The following FAM234B variants were observed in gnomAD, a reference collection of about 807,000 sequenced individuals.
The protein encoded by FAM234B is protein FAM234B.
A neutral mutation model predicts 69.3 loss-of-function variants in FAM234B; 33 were observed. The observed-to-expected ratio is 0.48, with a 90% CI of 0.36 to 0.64. The LOEUF (loss-of-function observed/expected upper bound fraction) is 0.64, where lower values mean the gene tolerates loss of function less well. Among genes scored for constraint, FAM234B ranks in the 30% least tolerant of loss-of-function variants. The probability of loss-of-function intolerance (pLI) is 0.00; values close to 1 mark genes in which losing one functional copy is unlikely to be tolerated. For missense variants in FAM234B, 697 were observed against 769.7 expected, an observed-to-expected ratio of 0.91 and a Z score of 1.12; for synonymous variants, 306 against 306.9, an observed-to-expected ratio of 1.00 and a Z score of 0.03.
rs1864954791 is a variant in FAM234B at position 13,058,534 on chromosome 12, A to G, written c.517A>G (p.Asn173Asp). The G allele has an allele frequency of 6.2e-7, 1 of 1,612,088 alleles. No homozygotes were observed. Among genetic ancestry groups the G allele is most frequent in the African/African-American group, 1.3e-5 (1 of 74,362 alleles). ...DVLLSFVMSR[N>D]GSAVGVSRPA... ...GCTTCTCTCCTTTGTGATGTCAAGG[A>G]ACGGGAGTGCAGTAGGTAAGAGACG... is the stretch of plus-strand genomic sequence containing the variant. The change falls in exon 3 of 13, where the codon AAC (asparagine) becomes GAC (aspartate). Residue 173 changes from asparagine to aspartate, a missense_variant. By Grantham distance (23) the Asn-to-Asp change is conservative (BLOSUM62 1). Coordinates refer to ENST00000197268, the MANE Select transcript of FAM234B (RefSeq NM_020853.2).
intron 1 of FAM234B, among the ~76,000 whole-genome samples, chr12:13,047,928 T>C (rs1371796505): frequency 6.6e-6 from 1 of 152,160 alleles, no homozygotes; most frequent in African/African-American, 2.4e-5. Context: ...TGTCTTTCTG[T>C]AAATAGATAG....
In FAM234B at chr12:13,062,941, G is replaced by A. The variant is rs541164179; in HGVS notation, c.818G>A (p.Arg273Gln). The A allele has an allele frequency of 6.0e-5, 97 of 1,614,040 alleles. No individual in the cohort carries two copies. The South Asian group carries it at 7.8e-4, about 13-fold the overall frequency. ...VLPDLDEDGVRDLVVLAIGEL... is the reference protein window; with the variant it reads ...VLPDLDEDGVQDLVVLAIGEL... ...CCAGACTTGGATGAAGACGGTGTTC[G>A]AGACCTTGTGGTTCTGGCCATTGGG... is the stretch of plus-strand genomic sequence containing the variant. The change falls in exon 5 of 13, where the codon CGA becomes CAA. Residue 273 changes from arginine (R) to glutamine (Q), a missense_variant. Around this residue, in one of 3 missense-constraint regions of FAM234B, gnomAD observed 380 missense variants for 447.1 expected, o/e 0.85. Coordinates refer to ENST00000197268, the MANE Select transcript of FAM234B (RefSeq NM_020853.2).
At chr12:13,046,388 T>C (rs1864812287) in intron 1 of FAM234B, among the ~76,000 whole-genome samples, 1 of 152,218 alleles carries the variant, frequency 6.6e-6, no homozygotes, top group Non-Finnish European at 1.5e-5. Flanking sequence ...CTGAGACTGC[T>C]GTCCTGTTTG....
intron 10 of FAM234B, 151 bp downstream of exon 10, chr12:13,071,547 C>T (rs1216314785): frequency 2.9e-6 from 2 of 695,090 alleles, no homozygotes; most frequent in East Asian, 5.4e-5. Flanking sequence ...AAGCAGGAAC[C>T]CTGTGTCCTC....
chr12:13,049,186 G>A (rs561840253), intron 1 of FAM234B, among the ~76,000 whole-genome samples: 3 of 152,296 alleles, frequency 2.0e-5, no homozygotes, highest in African/African-American at 7.2e-5. Context: ...ACTGAGATAA[G>A]AATTTTTTTT....
Position 13,068,802 on chromosome 12 carries a change from A to G in FAM234B, c.1368+91A>G, listed in dbSNP as rs1330208590. On this transcript the variant is annotated intron_variant, in intron 9 of 12. Transcript: ENST00000197268. Reference sequence around the variant, plus strand: ...GTTAGGCACAGCAGGGAATAAAAAGAACCTAAAATATGATCTCTAACTTCA... The same window carrying G: ...GTTAGGCACAGCAGGGAATAAAAAGGACCTAAAATATGATCTCTAACTTCA... The G allele has an allele frequency of 3.8e-6, 3 of 785,622 alleles. No homozygotes were observed. The African/African-American group carries it at 5.2e-5, about 14-fold the overall frequency. 48.7% of individuals were successfully genotyped at this position (785,622 alleles called of 1,614,324 possible).
At chr12:13,079,756 A>G (rs776201972) in intron 11 of FAM234B, 33 bp from the exon 12 acceptor site, 4 of 1,389,656 alleles carry the variant, frequency 2.9e-6, no homozygotes, top group Non-Finnish European at 4.1e-6. Context: ...GTATGTGTCC[A>G]TGTTAACTGC....
At chr12:13,052,140 A>C (rs913904943) in intron 1 of FAM234B, among the ~76,000 whole-genome samples, 1 of 152,190 alleles carries the variant, frequency 6.6e-6, no homozygotes, top group African/African-American at 2.4e-5. Flanking sequence ...CATGTGAGAG[A>C]GGGATCCCAG....
At position 13,081,252 on chromosome 12, in the gene FAM234B, ATC is replaced by A. The variant is rs1332582608; in HGVS notation, c.*628_*629del. 6.6e-6 allele frequency: 1 copy of A among 152,176 alleles called. No individual in the cohort carries two copies. Among genetic ancestry groups the A allele is most frequent in the African/African-American group, 2.4e-5 (1 of 41,434 alleles). The allele number at this position is 152,176 out of a possible 1,614,324, so 9.4% of individuals were successfully genotyped here. On this transcript the variant is annotated 3_prime_UTR_variant, in exon 13 of 13. Coordinates refer to ENST00000197268, the MANE Select transcript of FAM234B (RefSeq NM_020853.2). ...CTGAGTTAGCCATCCAAGCATTTTCATCTCTCTTGTTTTATATCCTATTTCCT... is the reference window on the plus strand; with the variant it reads ...CTGAGTTAGCCATCCAAGCATTTTCATCTCTTGTTTTATATCCTATTTCCT...
chr12:13,077,628 T>C (rs946017167), intron 11 of FAM234B, among the ~76,000 whole-genome samples: 2 of 151,690 alleles, frequency 1.3e-5, no homozygotes, highest in Non-Finnish European at 2.9e-5. Flanking sequence ...TGCATAGTAT[T>C]CCATGGTGTA....
chr12:13,077,930 G>C (rs375717487), intron 11 of FAM234B, among the ~76,000 whole-genome samples: 1 of 152,000 alleles, frequency 6.6e-6, no homozygotes, highest in Non-Finnish European at 1.5e-5. Context: ...TCCAGCACCT[G>C]TTGTTTCCTG....
chr12:13,045,712 GGA>G (rs1443024777), intron 1 of FAM234B, among the ~76,000 whole-genome samples: 2 of 152,116 alleles, frequency 1.3e-5, no homozygotes, highest in Admixed American at 1.3e-4. Flanking sequence ...TGGAATTAAA[GGA>G]GAGACGTGGC....
rs1042236307 is a variant in FAM234B at position 13,072,811 on chromosome 12, C to T, written c.1524+1415C>T. Among the ~76,000 whole-genome samples the T allele has an allele frequency of 2.1e-4, 32 of 152,180 alleles. 1 individual carries two copies. Among genetic ancestry groups the T allele is most frequent in the South Asian group, 1.0e-3 (5 of 4,822 alleles). On this transcript the variant is annotated intron_variant, in intron 10 of 12. Transcript: ENST00000197268. ...ACACTTTGTAAGCACTGATACCAGC[C>T]GTTTAGTCCATCCCTAAAGAACTGA...
intron 9 of FAM234B, among the ~76,000 whole-genome samples, chr12:13,069,757 G>T (rs1565510977): frequency 6.6e-6 from 1 of 152,184 alleles, no homozygotes; most frequent in African/African-American, 2.4e-5. Context: ...CTTACAGAGG[G>T]CCCCAAAAGC....
intron 12 of FAM234B, 133 bp downstream of exon 12, chr12:13,080,142 C>T: frequency 1.5e-6 from 1 of 645,644 alleles, no homozygotes; most frequent in Non-Finnish European, 2.6e-6. Flanking sequence ...TTGTTTTGGA[C>T]CAACACTGTT....
At chr12:13,068,239 A>G in intron 7 of FAM234B, 65 bp from the exon 8 acceptor site, 1 of 1,594,670 alleles carries the variant, frequency 6.3e-7, no homozygotes, top group East Asian at 2.2e-5. Flanking sequence ...AGAAAAAGCC[A>G]AAGTAAATGG....
At chr12:13,062,576 T>C in intron 4 of FAM234B, 1 of 295,136 alleles carries the variant, frequency 3.4e-6, no homozygotes, top group Non-Finnish European at 6.4e-6. Flanking sequence ...CCCTTCTTTG[T>C]TGGAAAGGAT....
chr12:13,079,167 G>T (rs1220532278), intron 11 of FAM234B, among the ~76,000 whole-genome samples: 1 of 152,120 alleles, frequency 6.6e-6, no homozygotes, highest in African/African-American at 2.4e-5. Context: ...AACCAAAACA[G>T]CATGGTATTG....
chr12:13,066,860 G>A, intron 6 of FAM234B, 73 bp downstream of exon 6: 2 of 1,525,300 alleles, frequency 1.3e-6, no homozygotes, highest in Non-Finnish European at 1.8e-6. Flanking sequence ...GTGAGACAGG[G>A]TGAAAGCTCA....
Sources: allele counts gnomAD v4.1 joint callset (sites outside exome capture counted in the v4.1 genomes callset), GRCh38; gene constraint gnomAD v4.1.1; regional missense constraint gnomAD v4.1.1; transcripts MANE v1.5; gene names NCBI Gene and HGNC (gene_info 2026-07-23, HGNC 2026-07-21).